The following TMPRSS9 variants were observed in gnomAD, a reference collection of about 807,000 sequenced individuals.
The protein encoded by TMPRSS9 is transmembrane protease serine 9.
In TMPRSS9, 113 loss-of-function variants were observed where a neutral mutation model predicts 111.4. The ratio of observed to expected loss-of-function variants is 1.01; its 90% CI spans 0.87 to 1.19. TMPRSS9 has a LOEUF of 1.19. TMPRSS9 is among the 50% of genes most tolerant of loss of function. The pLI is 0.00. For missense variants in TMPRSS9, 1,803 were observed against 1,513.1 expected (o/e 1.19, Z -3.18); for synonymous variants, 805 against 659.1 (o/e 1.22, Z -3.39).
At chr19:2,365,900 G>T (rs1970244951) in intron 1 of TMPRSS9, among the ~76,000 whole-genome samples, 1 of 152,124 alleles carries the variant, frequency 6.6e-6, no homozygotes, top group African/African-American at 2.4e-5. Flanking sequence ...GGAGTTGGAG[G>T]CTGCAGTGAG....
At chr19:2,386,436 C>T (rs540434417), upstream of TMPRSS9, among the ~76,000 whole-genome samples, 686 of 150,056 alleles carry the variant, frequency 4.6e-3, 1 homozygote, top group Non-Finnish European at 8.2e-3. Flanking sequence ...ACCTGGGAGG[C>T]GGAGCTTGCA....
In TMPRSS9 at chr19:2,425,209, G is replaced by C. The variant is rs1178522767; in HGVS notation, c.2925G>C (p.Pro975=). 2.0e-6 allele frequency: 3 copies of C among 1,503,654 alleles called. No individual in the cohort carries two copies. The South Asian group carries it at 3.6e-5, about 18-fold the overall frequency. The allele number at this position is 1,503,654 out of a possible 1,614,324, so 93.1% of individuals were successfully genotyped here. The change falls in exon 16 of 18, where the codon CCG becomes CCC. Residue 975 remains proline (P), a synonymous_variant. Coordinates refer to ENST00000648592, the Ensembl canonical transcript of TMPRSS9. The stretch of plus-strand genomic sequence containing the variant: ...CCATCTGCCTGCCCGAGCCCGCGCC[G>C]CGACCCCCGGACGGCACGCGCTGCG...
exon 11 of TMPRSS9, chr19:2,415,721 T>C (rs1194145838): frequency 6.2e-7 from 1 of 1,609,336 alleles, no homozygotes; most frequent in Non-Finnish European, 8.5e-7. Context: ...GTGGGCGGGT[T>C]CGGAGCTGCC....
intron 1 of TMPRSS9, among the ~76,000 whole-genome samples, chr19:2,368,788 T>TTTTTGTTTG (rs1970266955): frequency 8.7e-6 from 1 of 114,372 alleles, no homozygotes; most frequent in African/African-American, 4.2e-5. Flanking sequence ...TTTTTTTTTT[T>TTTTTGTTTG]TTTTTTTTTT....
At chr19:2,404,180 A>G (rs913795945) in intron 6 of TMPRSS9, among the ~76,000 whole-genome samples, 28 of 152,172 alleles carry the variant, frequency 1.8e-4, no homozygotes, top group African/African-American at 6.5e-4. Flanking sequence ...AAAAATAAAT[A>G]AAATGCTGGA....
At chr19:2,384,626 T>C (rs952335584) in intron 1 of TMPRSS9, among the ~76,000 whole-genome samples, 3 of 151,596 alleles carry the variant, frequency 2.0e-5, no homozygotes, top group African/African-American at 7.3e-5. Context: ...CCATCCTGGC[T>C]AACGTGGTGA....
chr19:2,385,132 G>A (rs926429522), upstream of TMPRSS9, among the ~76,000 whole-genome samples: 11 of 148,598 alleles, frequency 7.4e-5, no homozygotes, highest in Non-Finnish European at 1.5e-4. Context: ...GGTCACAGCC[G>A]GAGCTCGCAG....
At chr19:2,393,130 G>C (rs944379988) in intron 1 of TMPRSS9, among the ~76,000 whole-genome samples, 1 of 152,134 alleles carries the variant, frequency 6.6e-6, no homozygotes, top group East Asian at 1.9e-4. Context: ...GAATAAAAGC[G>C]GACTGCTGGA....
At chr19:2,408,457 A>G (rs1411230875) in exon 8 of TMPRSS9, 1 of 1,613,190 alleles carries the variant, frequency 6.2e-7, no homozygotes, top group African/African-American at 1.3e-5. Flanking sequence ...ATCGTCAAGC[A>G]CCCCCTGTAC....
rs150253935 is a variant in TMPRSS9 at position 2,413,152 on chromosome 19, G to A, written c.1255-548G>A. Among the ~76,000 whole-genome samples the A allele has an allele frequency of 7.2e-3, 1,091 of 152,186 alleles. 9 individuals are homozygous for A. Among genetic ancestry groups the A allele is most frequent in the African/African-American group, 0.025 (1,030 of 41,528 alleles). On this transcript the variant is annotated intron_variant, in intron 9 of 17. Transcript: ENST00000648592. ...GGAGGTTGCAGTGAGCCGAGATCAC[G>A]CCATTGCACTCCAGCCTGGGCAACA...
chr19:2,392,586 G>A (rs939647764), intron 1 of TMPRSS9, among the ~76,000 whole-genome samples: 1 of 152,148 alleles, frequency 6.6e-6, no homozygotes, highest in African/African-American at 2.4e-5. Context: ...AGCCAGCTGG[G>A]CTCCTGAGTC....
chr19:2,377,018 G>A (rs909907072), intron 1 of TMPRSS9, among the ~76,000 whole-genome samples: 1 of 151,654 alleles, frequency 6.6e-6, no homozygotes, highest in East Asian at 2.0e-4. Context: ...GAGTGGCCAC[G>A]GGTGGGCGGC....
At chr19:2,396,135 G>A (rs375984856) in intron 1 of TMPRSS9, 3 of 163,356 alleles carry the variant, frequency 1.8e-5, no homozygotes, top group Admixed American at 6.3e-5. Context: ...TCATTTCACC[G>A]TCTCCTGATG....
At chr19:2,361,500 G>A (rs1303011825) in intron 1 of TMPRSS9, among the ~76,000 whole-genome samples, 1 of 152,082 alleles carries the variant, frequency 6.6e-6, no homozygotes, top group Non-Finnish European at 1.5e-5. Flanking sequence ...AACAATTGGA[G>A]GTGGGTGAAG....
intron 14 of TMPRSS9, 54 bp downstream of exon 15, chr19:2,422,301 C>A (rs1971485563): frequency 1.4e-6 from 2 of 1,473,246 alleles, no homozygotes; most frequent in African/African-American, 1.4e-5. Context: ...TGTTAATCAG[C>A]CTGGGCTGCC....
chr19:2,390,992 C>T (rs1970576401), intron 1 of TMPRSS9, among the ~76,000 whole-genome samples: 1 of 150,064 alleles, frequency 6.7e-6, no homozygotes, highest in Non-Finnish European at 1.5e-5. Flanking sequence ...CATGGTGAAA[C>T]CCCATCTCTA....
At chr19:2,389,676 G>C, upstream of TMPRSS9, 1 of 1,371,276 alleles carries the variant, frequency 7.3e-7, no homozygotes, top group Non-Finnish European at 9.7e-7. Context: ...CCGTTTTTAA[G>C]GGTATAGTTG....
At chr19:2,410,180 G>A in intron 8 of TMPRSS9, 78 bp from the exon 10 acceptor site, 1 of 1,581,832 alleles carries the variant, frequency 6.3e-7, no homozygotes, top group Non-Finnish European at 8.6e-7. Flanking sequence ...GAGAGGAGCT[G>A]TCCTTCAGCC....
chr19:2,424,982 T>A lies in TMPRSS9; in HGVS notation c.2718-20T>A, dbSNP rs1158217124. ...GGGCGTGGGGGCTCGGGCCGACGCC[T>A]GTCCTCGCGCGCCCCGCAGCTACGG... On this transcript the variant is annotated intron_variant, in intron 15 of 17. Transcript: ENST00000648592. 1.3e-6 allele frequency: 2 copies of A among 1,491,184 alleles called. No homozygotes were observed. The highest frequency in any genetic ancestry group is 1.8e-6 in the Non-Finnish European group (2 of 1,125,422). The allele number at this position is 1,491,184 out of a possible 1,614,324, so 92.4% of individuals were successfully genotyped here. A position where few individuals can be genotyped will look rare whatever the true frequency, so the allele number is the denominator to read the frequency against.
Sources: gnomAD v4.1 joint callset for allele counts (sites outside exome capture counted in the v4.1 genomes callset) on GRCh38, gnomAD v4.1.1 for gene constraint, MANE v1.5 for transcripts, NCBI Gene and HGNC (gene_info 2026-07-23, HGNC 2026-07-21) for gene names.